The following DGLUCY variants were observed in gnomAD, a reference collection of about 807,000 sequenced individuals.
DGLUCY encodes the protein D-glutamate cyclase.
In DGLUCY, 58 loss-of-function variants were observed where a neutral mutation model predicts 58.5. That is an observed-to-expected ratio of 0.99 (90% CI 0.80 to 1.23). DGLUCY has a LOEUF of 1.23. Among genes scored for constraint, DGLUCY ranks in the 50% most tolerant of loss-of-function variants. The pLI is 0.00. For synonymous variants in DGLUCY, 325 were observed against 314.1 expected (o/e 1.03, Z -0.37); for missense variants, 779 against 784.7 (o/e 0.99, Z 0.09).
At chr14:91,062,368 A>G (rs932046970) in intron 1 of DGLUCY, among the ~76,000 whole-genome samples, 9 of 151,254 alleles carry the variant, frequency 6.0e-5, no homozygotes, top group African/African-American at 2.2e-4. Context: ...CCAACATGGC[A>G]AAACCCTGAA....
chr14:91,109,334 G>A (rs185849658), upstream of DGLUCY, among the ~76,000 whole-genome samples: 1 of 152,238 alleles, frequency 6.6e-6, no homozygotes, highest in East Asian at 1.9e-4. Flanking sequence ...CTCAAGAGCC[G>A]CTGTGTTCCT....
intron 11 of DGLUCY, among the ~76,000 whole-genome samples, chr14:91,203,770 A>G (rs2050715307): frequency 6.6e-6 from 1 of 151,050 alleles, no homozygotes. Flanking sequence ...TCTGCCTCCC[A>G]GTTTCAAGTG....
intron 1 of DGLUCY, among the ~76,000 whole-genome samples, chr14:91,089,210 C>T (rs2044269839): frequency 6.6e-6 from 1 of 152,200 alleles, no homozygotes; most frequent in South Asian, 2.1e-4. Context: ...TGGTGGATTG[C>T]ATCTGAGAAA....
At chr14:91,196,744 TAA>T (rs146566022) in intron 10 of DGLUCY, among the ~76,000 whole-genome samples, 4,873 of 94,638 alleles carry the variant, frequency 0.051, 188 homozygotes, top group African/African-American at 0.14. Flanking sequence ...GACATAGCAC[TAA>T]AAAAAAAAAA....
chr14:91,067,618 G>A (rs568995162), intron 1 of DGLUCY, among the ~76,000 whole-genome samples: 4 of 151,070 alleles, frequency 2.6e-5, no homozygotes, highest in South Asian at 2.1e-4. Flanking sequence ...GCACGATCTC[G>A]GCTCACTGCA....
intron 1 of DGLUCY, among the ~76,000 whole-genome samples, chr14:91,082,277 C>T (rs189803149): frequency 6.6e-5 from 10 of 152,194 alleles, no homozygotes; most frequent in Admixed American, 6.5e-4. Flanking sequence ...CACACTCCCC[C>T]CTTCCCATGA....
chr14:91,152,775 A>G (rs1161665668), intron 1 of DGLUCY, among the ~76,000 whole-genome samples: 2 of 152,214 alleles, frequency 1.3e-5, no homozygotes, highest in African/African-American at 4.8e-5. Flanking sequence ...ACATCTACAG[A>G]AACCAAAAAT....
At chr14:91,176,530 C>G (rs1406867070) in intron 7 of DGLUCY, among the ~76,000 whole-genome samples, 2 of 152,082 alleles carry the variant, frequency 1.3e-5, no homozygotes, top group Non-Finnish European at 2.9e-5. Context: ...GGCCTGGTTT[C>G]CTTCTTTTAA....
rs36018332 is a variant in DGLUCY at position 91,134,956 on chromosome 14, ACT to A, written c.-82+20676_-82+20677del. On this transcript the variant is annotated intron_variant, in intron 1 of 13. Coordinates refer to ENST00000256324, the MANE Select transcript of DGLUCY (RefSeq NM_001102368.3). ...CTTTTTCTTTTTGTGACAGGATCTCACTCTGTAGCCCAGGCTGGAGTGCATTG... is the reference window on the plus strand; with the variant it reads ...CTTTTTCTTTTTGTGACAGGATCTCACTGTAGCCCAGGCTGGAGTGCATTG... Among the ~76,000 whole-genome samples the A allele has an allele frequency of 1.3e-3, 196 of 148,470 alleles. 2 individuals carry two copies. In the East Asian group the frequency reaches 0.034, roughly 26 times the overall value.
intron 1 of DGLUCY, among the ~76,000 whole-genome samples, chr14:91,139,997 C>T (rs1178190074): frequency 6.6e-6 from 1 of 152,194 alleles, no homozygotes; most frequent in Non-Finnish European, 1.5e-5. Flanking sequence ...TAAGTCAGCA[C>T]TCTCTGTAAG....
chr14:91,084,008 G>C (rs547349485), intron 1 of DGLUCY, among the ~76,000 whole-genome samples: 4 of 152,110 alleles, frequency 2.6e-5, no homozygotes, highest in South Asian at 4.1e-4. Flanking sequence ...TTCCTCCTTT[G>C]GGAAGTAGGG....
At chr14:91,182,233 G>A (rs374221109) in intron 8 of DGLUCY, among the ~76,000 whole-genome samples, 29 of 152,132 alleles carry the variant, frequency 1.9e-4, no homozygotes, top group African/African-American at 6.3e-4. Context: ...CACCCATCTC[G>A]GCCTCCCGAA....
intron 1 of DGLUCY, among the ~76,000 whole-genome samples, chr14:91,090,771 G>A (rs1467608736): frequency 3.3e-5 from 5 of 152,204 alleles, no homozygotes; most frequent in African/African-American, 1.2e-4. Context: ...AGCCTTGGCT[G>A]TTCCATCTCC....
At chr14:91,087,713 A>G (rs1389264001) in intron 1 of DGLUCY, among the ~76,000 whole-genome samples, 1 of 152,212 alleles carries the variant, frequency 6.6e-6, no homozygotes, top group African/African-American at 2.4e-5. Flanking sequence ...GTGAGGTCCC[A>G]TTCCAGCCAA....
At chr14:91,087,591 T>G (rs2140059078) in intron 1 of DGLUCY, among the ~76,000 whole-genome samples, 1 of 152,338 alleles carries the variant, frequency 6.6e-6, no homozygotes, top group African/African-American at 2.4e-5. Flanking sequence ...TTTGAAGGTG[T>G]TTTTACCTTT....
intron 5 of DGLUCY, 103 bp from the exon 6 acceptor site, chr14:91,173,186 C>T: frequency 8.2e-7 from 1 of 1,221,010 alleles, no homozygotes; most frequent in South Asian, 1.3e-5. Flanking sequence ...AACAGCTACT[C>T]CTCCTTCATT....
chr14:91,120,528 C>T (rs1056159627), intron 1 of DGLUCY, among the ~76,000 whole-genome samples: 1 of 152,196 alleles, frequency 6.6e-6, no homozygotes, highest in African/African-American at 2.4e-5. Context: ...TCTCCTGCCT[C>T]AGCCTCCTGA....
chr14:91,113,303 A>G (rs2044743144), upstream of DGLUCY, among the ~76,000 whole-genome samples: 1 of 152,196 alleles, frequency 6.6e-6, no homozygotes, highest in Admixed American at 6.5e-5. Context: ...CTGTCTCAAA[A>G]TAACAACAAC....
intron 12 of DGLUCY, among the ~76,000 whole-genome samples, chr14:91,205,754 C>CTTCTTCTTCTTCTTCTTCTTCTTCTTCT (rs1555406030): frequency 7.7e-6 from 1 of 129,728 alleles, no homozygotes; most frequent in African/African-American, 3.1e-5. Flanking sequence ...CCAGGGCATT[C>CTTCTTCTTCTTCTTCTTCTTCTTCTTCT]TCTTCTTCTT....
Sources: gnomAD v4.1 joint callset for allele counts (sites outside exome capture counted in the v4.1 genomes callset) on GRCh38, gnomAD v4.1.1 for gene constraint, MANE v1.5 for transcripts, NCBI Gene and HGNC (gene_info 2026-07-23, HGNC 2026-07-21) for gene names.